The following DOCK1 variants were observed in gnomAD, a reference collection of about 807,000 sequenced individuals.
DOCK1 encodes dedicator of cytokinesis 1, also known as dedicator of cytokinesis protein 1.
In DOCK1, 138 loss-of-function variants were observed where a neutral mutation model predicts 262.7. That is an observed-to-expected ratio of 0.53 (90% CI 0.46 to 0.61). The LOEUF (loss-of-function observed/expected upper bound fraction) is 0.61, where lower values mean the gene tolerates loss of function less well. DOCK1 is among the 20% of genes least tolerant of loss of function. DOCK1 has a pLI of 0.00. For synonymous variants in DOCK1, 866 were observed against 867.4 expected (o/e 1.00, Z 0.03); for missense variants, 1,908 against 2,370.7 (o/e 0.80, Z 4.05).
At chr10:127,432,837 G>A (rs1308361516) in intron 47 of DOCK1, among the ~76,000 whole-genome samples, 2 of 152,138 alleles carry the variant, frequency 1.3e-5, no homozygotes, top group Non-Finnish European at 2.9e-5. Context: ...TTTTTGTCTA[G>A]AGGAGGTCAG....
chr10:127,356,033 CGT>C (rs2064129788), intron 32 of DOCK1, among the ~76,000 whole-genome samples: 1 of 152,214 alleles, frequency 6.6e-6, no homozygotes, highest in Admixed American at 6.5e-5. Flanking sequence ...ATCCTTTCTG[CGT>C]GTCAGTCCTG....
Position 127,161,991 on chromosome 10 carries a change from G to T in DOCK1, c.2847+34227G>T, listed in dbSNP as rs57481051. Among the ~76,000 whole-genome samples, 855 of 152,316 alleles carry T rather than the reference G, an allele frequency of 5.6e-3. 3 individuals are homozygous for T. Among genetic ancestry groups the T allele is most frequent in the African/African-American group, 0.02 (822 of 41,570 alleles). ...TGGAAAACTGTCTCCCATGTTTTCT[G>T]CTCAGGACGTTGATGATGGGACAGG... On this transcript the variant is annotated intron_variant, in intron 27 of 51. Coordinates refer to ENST00000623213, the MANE Select transcript of DOCK1 (RefSeq NM_001290223.2).
chr10:127,339,655 G>A (rs1025641440), intron 30 of DOCK1, among the ~76,000 whole-genome samples: 4 of 146,384 alleles, frequency 2.7e-5, no homozygotes, highest in Non-Finnish European at 4.5e-5. Flanking sequence ...GTGTGCGCGC[G>A]CGCATGCATG....
rs914599640 is a variant in DOCK1 at position 127,374,500 on chromosome 10, C to T, written c.3675+286C>T. On this transcript the variant is annotated intron_variant, in intron 35 of 51. Transcript: ENST00000623213. ...AGCCAGGGTAGTGCCTCATGGATTA[C>T]GGCCTTAAGGCTTTGTGATTAGGAG... Among the ~76,000 whole-genome samples, 9 of 152,122 alleles carry T rather than the reference C, an allele frequency of 5.9e-5. No individual in the cohort carries two copies. The South Asian group carries it at 1.2e-3, about 21-fold the overall frequency.
chr10:127,016,851 T>TACAGAC (rs1334834900), intron 12 of DOCK1, among the ~76,000 whole-genome samples: 1 of 69,820 alleles, frequency 1.4e-5, no homozygotes, highest in East Asian at 4.4e-4. Flanking sequence ...CACACACAGA[T>TACAGAC]ACCATAAACA....
At chr10:126,927,217 A>G (rs929666344) in intron 1 of DOCK1, among the ~76,000 whole-genome samples, 2 of 152,168 alleles carry the variant, frequency 1.3e-5, no homozygotes, top group African/African-American at 4.8e-5. Context: ...CCATGATAGC[A>G]GATTTCCGTC....
chr10:126,986,166 G>A (rs2039371017), intron 4 of DOCK1, among the ~76,000 whole-genome samples: 1 of 152,120 alleles, frequency 6.6e-6, no homozygotes, highest in African/African-American at 2.4e-5. Context: ...CTTCATAGCA[G>A]TTTTCTAGGG....
intron 29 of DOCK1, among the ~76,000 whole-genome samples, chr10:127,302,995 C>T (rs1289566819): frequency 6.6e-6 from 1 of 152,034 alleles, no homozygotes; most frequent in Non-Finnish European, 1.5e-5. Context: ...TTAAGTCTTG[C>T]GTTTAAGTTT....
chr10:127,114,951 T>G (rs2049090774), intron 25 of DOCK1, among the ~76,000 whole-genome samples: 1 of 152,056 alleles, frequency 6.6e-6, no homozygotes, highest in Non-Finnish European at 1.5e-5. Context: ...GAGACGCGGT[T>G]TCACCGTGTT....
chr10:127,002,487 G>T (rs1405690763), intron 10 of DOCK1, among the ~76,000 whole-genome samples: 1 of 152,214 alleles, frequency 6.6e-6, no homozygotes, highest in Non-Finnish European at 1.5e-5. Flanking sequence ...GATGGAGAGG[G>T]TGATGGGCAT....
chr10:127,431,014 AT>A, intron 47 of DOCK1, among the ~76,000 whole-genome samples: 1 of 152,300 alleles, frequency 6.6e-6, no homozygotes, highest in East Asian at 1.9e-4. Context: ...CCCCGGCATC[AT>A]TTCATTTAGT....
At chr10:126,915,700 C>G (rs1043588520) in intron 1 of DOCK1, among the ~76,000 whole-genome samples, 10 of 152,164 alleles carry the variant, frequency 6.6e-5, no homozygotes, top group African/African-American at 2.4e-4. Flanking sequence ...ATCTGCCCAC[C>G]TTGGCCTCCC....
intron 30 of DOCK1, among the ~76,000 whole-genome samples, chr10:127,341,525 A>C (rs1000463515): frequency 2.0e-5 from 3 of 152,042 alleles, no homozygotes; most frequent in Non-Finnish European, 4.4e-5. Flanking sequence ...ACTTTGCAGT[A>C]TTTTTTTCCC....
At chr10:127,300,585 G>T (rs1455381569) in intron 29 of DOCK1, among the ~76,000 whole-genome samples, 1 of 152,210 alleles carries the variant, frequency 6.6e-6, no homozygotes, top group Non-Finnish European at 1.5e-5. Flanking sequence ...AATGTTACCA[G>T]TCATGCTAGT....
chr10:126,912,849 A>G lies in DOCK1; in HGVS notation c.46+7286A>G, dbSNP rs79361966. 3.6e-3 allele frequency among the ~76,000 whole-genome samples: 544 copies of G among 152,292 alleles called. 6 individuals carry two copies. Among genetic ancestry groups the G allele is most frequent in the African/African-American group, 0.012 (510 of 41,556 alleles). On this transcript the variant is annotated intron_variant, in intron 1 of 51. Coordinates refer to ENST00000623213, the MANE Select transcript of DOCK1 (RefSeq NM_001290223.2). ...ATTCCCTGCCTCCAAATACAGTCAC[A>G]CATCCAGGATGCTGAATTTCTGAGG...
In DOCK1 at chr10:127,176,441, A is replaced by C; in HGVS notation, c.2847+48677A>C. The C allele has an allele frequency of 1.3e-6, 2 of 1,515,694 alleles. No homozygotes were observed. Among genetic ancestry groups the C allele is most frequent in the South Asian group, 2.5e-5 (2 of 80,188 alleles). 93.9% of individuals were successfully genotyped at this position (1,515,694 alleles called of 1,614,324 possible). A position where few individuals can be genotyped will look rare whatever the true frequency, so the allele number is the denominator to read the frequency against. On this transcript the variant is annotated intron_variant, in intron 27 of 51. Transcript: ENST00000623213. The surrounding 1 kb of genome is among the most constrained non-coding windows in gnomAD (Gnocchi z 4.4). ...GCAACAGAGGTGTCAGTGGGACAGAAATACACACTCAAGCACCGGCCGCAC... is the reference window on the plus strand; with the variant it reads ...GCAACAGAGGTGTCAGTGGGACAGACATACACACTCAAGCACCGGCCGCAC...
At chr10:127,344,653 A>C (rs1235007906) in intron 31 of DOCK1, 4 of 152,188 alleles carry the variant, frequency 2.6e-5, no homozygotes, top group African/African-American at 9.7e-5. Context: ...TCTGTATCTC[A>C]CTTTCAAGGC....
chr10:127,451,284 G>T (rs775139763), intron 51 of DOCK1, 48 bp from the exon 52 acceptor site: 1 of 1,550,862 alleles, frequency 6.4e-7, no homozygotes, highest in Non-Finnish European at 8.7e-7. Context: ...TGTCTTTTCT[G>T]TCAGGACATC....
At chr10:126,967,252 C>T (rs2037741695) in intron 1 of DOCK1, among the ~76,000 whole-genome samples, 1 of 152,190 alleles carries the variant, frequency 6.6e-6, no homozygotes, top group Admixed American at 6.5e-5. Flanking sequence ...AGTCGTTGCC[C>T]TCAACCCCTA....
Sources: allele counts gnomAD v4.1 joint callset (sites outside exome capture counted in the v4.1 genomes callset), GRCh38; gene constraint gnomAD v4.1.1; non-coding constraint Gnocchi (gnomAD v3.1); transcripts MANE v1.5; gene names NCBI Gene and HGNC (gene_info 2026-07-23, HGNC 2026-07-21).